The following LUC7L3 variants were observed in gnomAD, a reference collection of about 807,000 sequenced individuals.
LUC7L3 encodes the protein luc7-like protein 3.
Under a neutral mutation model 66.8 loss-of-function variants are expected in LUC7L3, and 6 were observed. That is an observed-to-expected ratio of 0.09 (90% CI 0.05 to 0.18). The LOEUF (loss-of-function observed/expected upper bound fraction) is 0.18. Among genes scored for constraint, LUC7L3 ranks in the 10% least tolerant of loss-of-function variants. The probability of loss-of-function intolerance (pLI) is 1.00; values close to 1 mark genes in which losing one functional copy is unlikely to be tolerated. For missense variants in LUC7L3, 341 were observed against 531.1 expected, an observed-to-expected ratio of 0.64 and a Z score of 3.52; for synonymous variants, 160 against 174.7, an observed-to-expected ratio of 0.92 and a Z score of 0.66.
In LUC7L3 at chr17:50,752,760, GGTGTACA is replaced by G. The variant is rs1971033544; in HGVS notation, c.*2102_*2108del. On this transcript the variant is annotated 3_prime_UTR_variant, in exon 10 of 10. Transcript: ENST00000505658. The stretch of plus-strand genomic sequence containing the variant: ...GAGTTACACTATTACTAGAGGTGTT[GGTGTACA>G]GTTTTATCTGATTTGTTCTGTTTAA... The G allele has an allele frequency of 6.6e-6, 1 of 152,022 alleles. No homozygotes were observed. The highest frequency in any genetic ancestry group is 1.5e-5 in the Non-Finnish European group (1 of 67,976). 9.4% of individuals were successfully genotyped at this position (152,022 alleles called of 1,614,324 possible). A position where few individuals can be genotyped will look rare whatever the true frequency, so the allele number is the denominator to read the frequency against.
intron 1 of LUC7L3, among the ~76,000 whole-genome samples, chr17:50,734,484 G>T (rs957385884): frequency 6.6e-6 from 1 of 151,972 alleles, no homozygotes; most frequent in Admixed American, 6.6e-5. Flanking sequence ...CTTTTATTAT[G>T]TTCTTAGAGA....
intron 9 of LUC7L3, chr17:50,749,332 A>T: frequency 7.8e-7 from 1 of 1,289,116 alleles, no homozygotes. Flanking sequence ...CAAAGGGAGG[A>T]CTTTCCCACA....
intron 2 of LUC7L3, among the ~76,000 whole-genome samples, chr17:50,738,445 G>A (rs1158077851): frequency 6.6e-6 from 1 of 152,158 alleles, no homozygotes. Context: ...TGGAGATAAT[G>A]GGGAAAGCAG....
At chr17:50,728,771 C>T (rs1309845560) in intron 1 of LUC7L3, among the ~76,000 whole-genome samples, 3 of 152,200 alleles carry the variant, frequency 2.0e-5, no homozygotes, top group African/African-American at 7.2e-5. Flanking sequence ...CCAGGCAGGT[C>T]TCAAACTCCT....
chr17:50,719,939 G>T (rs369589389), intron 1 of LUC7L3, 108 bp downstream of exon 1: 23 of 995,316 alleles, frequency 2.3e-5, no homozygotes, highest in African/African-American at 1.5e-4. Context: ...CCGCACCCGG[G>T]GTCGAGCGTC....
At chr17:50,729,679 A>G (rs1045556807) in intron 1 of LUC7L3, among the ~76,000 whole-genome samples, 7 of 152,020 alleles carry the variant, frequency 4.6e-5, no homozygotes, top group African/African-American at 1.7e-4. Context: ...AAACCCATAC[A>G]GACATGGGGA....
At position 50,742,366 on chromosome 17, in the gene LUC7L3, T is replaced by C. The variant is rs141926304; in HGVS notation, c.426+635T>C. Among the ~76,000 whole-genome samples the C allele has an allele frequency of 2.9e-3, 437 of 152,282 alleles. 3 individuals carry two copies. Among genetic ancestry groups the C allele is most frequent in the African/African-American group, 9.7e-3 (405 of 41,550 alleles). On this transcript the variant is annotated intron_variant, in intron 5 of 9. Coordinates refer to ENST00000505658, the MANE Select transcript of LUC7L3 (RefSeq NM_016424.5). ...ATATTGGAGTCTGTTTTGTTGTCGT[T>C]GTTACTGTTTTTTTGACAGTCTTGC...
chr17:50,731,193 C>A (rs1969582927), intron 1 of LUC7L3, among the ~76,000 whole-genome samples: 2 of 152,024 alleles, frequency 1.3e-5, no homozygotes. Flanking sequence ...TTTTTTGAGA[C>A]AGTCTCTCTC....
intron 9 of LUC7L3, 96 bp downstream of exon 9, chr17:50,746,798 A>G (rs1970695878): frequency 9.8e-7 from 1 of 1,020,156 alleles, no homozygotes; most frequent in Non-Finnish European, 1.4e-6. Flanking sequence ...TCCATTTCAT[A>G]CATACTCCTT....
rs2143106347 is a variant in LUC7L3 at position 50,754,020 on chromosome 17, GA to G, written c.*3360del. On this transcript the variant is annotated 3_prime_UTR_variant, in exon 10 of 10. Transcript: ENST00000505658. ...GAAGTTGAATTTTACACCCAAAATT[GA>G]TGTGACTGAAGAGGAACTGATTGTT... The G allele has an allele frequency of 6.6e-6, 1 of 152,260 alleles. No individual in the cohort carries two copies. The highest frequency in any genetic ancestry group is 6.5e-5 in the Admixed American group (1 of 15,298). The allele number at this position is 152,260 out of a possible 1,614,324, so 9.4% of individuals were successfully genotyped here.
Position 50,752,160 on chromosome 17 carries a change from G to A in LUC7L3, c.*1499G>A, listed in dbSNP as rs546654140. The A allele has an allele frequency of 7.8e-7, 1 of 1,278,906 alleles. No homozygotes were observed. The highest frequency in any genetic ancestry group is 1.0e-6 in the Non-Finnish European group (1 of 984,668). 79.2% of individuals were successfully genotyped at this position (1,278,906 alleles called of 1,614,324 possible). A position where few individuals can be genotyped will look rare whatever the true frequency, so the allele number is the denominator to read the frequency against. On this transcript the variant is annotated 3_prime_UTR_variant, in exon 10 of 10. Coordinates refer to ENST00000505658, the MANE Select transcript of LUC7L3 (RefSeq NM_016424.5). The stretch of plus-strand genomic sequence containing the variant: ...TCTCATAAAAATTGGCCTTTTACAT[G>A]TTGTCTAATTATCATTTTTCCCCAA...
At chr17:50,719,888 C>T in intron 1 of LUC7L3, 57 bp downstream of exon 1, 6 of 1,502,922 alleles carry the variant, frequency 4.0e-6, no homozygotes, top group Non-Finnish European at 5.4e-6. Context: ...GGAGCGGGCG[C>T]GGGCTGTGGC....
chr17:50,726,155 T>G (rs1375539792), intron 1 of LUC7L3, among the ~76,000 whole-genome samples: 2 of 97,740 alleles, frequency 2.0e-5, no homozygotes, highest in African/African-American at 1.0e-4. Context: ...CAATACCGTA[T>G]AAACTTGTTG....
chr17:50,731,569 A>G (rs1171931690), intron 1 of LUC7L3, among the ~76,000 whole-genome samples: 1 of 152,170 alleles, frequency 6.6e-6, no homozygotes, highest in African/African-American at 2.4e-5. Context: ...TTTTAGTTAA[A>G]ATCATTCTCT....
rs949418336 is a variant in LUC7L3, at chr17:50,752,127, C to G, written c.*1466C>G. ...GTTAATTAGCAGTTAGTGACTGGGCCAACACTTTCTCATAAAAATTGGCCT... is the reference window on the plus strand; with the variant it reads ...GTTAATTAGCAGTTAGTGACTGGGCGAACACTTTCTCATAAAAATTGGCCT... On this transcript the variant is annotated 3_prime_UTR_variant, in exon 10 of 10. Coordinates refer to ENST00000505658, the MANE Select transcript of LUC7L3 (RefSeq NM_016424.5). 1 of 1,270,280 alleles carries G rather than the reference C, an allele frequency of 7.9e-7. No homozygotes were observed. The highest frequency in any genetic ancestry group is 2.5e-5 in the Admixed American group (1 of 39,662). The allele number at this position is 1,270,280 out of a possible 1,614,324, so 78.7% of individuals were successfully genotyped here. A position where few individuals can be genotyped will look rare whatever the true frequency, so the allele number is the denominator to read the frequency against.
Position 50,754,516 on chromosome 17 carries a change from C to G in LUC7L3, c.*3855C>G, listed in dbSNP as rs1192812232. The G allele has an allele frequency of 3.3e-5, 5 of 152,206 alleles. No homozygotes were observed. The allele number at this position is 152,206 out of a possible 1,614,324, so 9.4% of individuals were successfully genotyped here. A position where few individuals can be genotyped will look rare whatever the true frequency, so the allele number is the denominator to read the frequency against. On this transcript the variant is annotated 3_prime_UTR_variant, in exon 10 of 10. Transcript: ENST00000505658. Reference sequence around the variant, plus strand: ...GGGTAAACTTTTGTTGGTCATCAAACTATATTAGCACTGGTCCAATAGTTT... The same window carrying G: ...GGGTAAACTTTTGTTGGTCATCAAAGTATATTAGCACTGGTCCAATAGTTT...
intron 9 of LUC7L3, among the ~76,000 whole-genome samples, chr17:50,748,775 A>G (rs1282507968): frequency 6.6e-6 from 1 of 152,194 alleles, no homozygotes; most frequent in Non-Finnish European, 1.5e-5. Context: ...GCTATGATAG[A>G]GTTAAACATT....
intron 5 of LUC7L3, among the ~76,000 whole-genome samples, chr17:50,743,286 C>T (rs1467217580): frequency 6.6e-6 from 1 of 152,124 alleles, no homozygotes; most frequent in African/African-American, 2.4e-5. Flanking sequence ...GCAGCCTCCT[C>T]CTCCTGGGTT....
At chr17:50,741,547 C>T in intron 4 of LUC7L3, 110 bp from the exon 5 acceptor site, 1 of 655,470 alleles carries the variant, frequency 1.5e-6, no homozygotes, top group Non-Finnish European at 2.6e-6. Context: ...ACTATCCTTT[C>T]AATTAAGCAT....
Sources: gnomAD v4.1 joint callset for allele counts (sites outside exome capture counted in the v4.1 genomes callset) on GRCh38, gnomAD v4.1.1 for gene constraint, MANE v1.5 for transcripts, NCBI Gene and HGNC (gene_info 2026-07-23, HGNC 2026-07-21) for gene names.